Variants in CHRM3 observed in about 807,000 individuals in gnomAD.
CHRM3 encodes the protein muscarinic acetylcholine receptor M3.
CHRM3 carries 11 observed loss-of-function variants against 41.8 expected under a neutral mutation model. The observed-to-expected ratio is 0.26, with a 90% CI of 0.17 to 0.44. CHRM3 has a LOEUF of 0.44. CHRM3 is among the 20% of genes least tolerant of loss of function. The probability of loss-of-function intolerance (pLI) is 1.00; values close to 1 mark genes in which losing one functional copy is unlikely to be tolerated. For missense variants in CHRM3, 571 were observed against 745.4 expected, an observed-to-expected ratio of 0.77 and a Z score of 2.72; for synonymous variants, 297 against 301.4, an observed-to-expected ratio of 0.99 and a Z score of 0.15.
chr1:239,545,029 G>A (rs1659156426), intron 2 of CHRM3, among the ~76,000 whole-genome samples: 1 of 127,510 alleles, frequency 7.8e-6, no homozygotes, highest in Non-Finnish European at 1.8e-5. Context: ...AGACTAAATG[G>A]AAATTCATAT....
intron 5 of CHRM3, among the ~76,000 whole-genome samples, chr1:239,794,665 A>G (rs2148883424): frequency 6.6e-6 from 1 of 152,292 alleles, no homozygotes; most frequent in East Asian, 1.9e-4. Context: ...GGCTTATTTC[A>G]GATCTAACTC....
At chr1:239,624,537 C>A (rs1396290643) in intron 3 of CHRM3, among the ~76,000 whole-genome samples, 15 of 150,384 alleles carry the variant, frequency 1.0e-4, no homozygotes, top group African/African-American at 3.2e-4. Flanking sequence ...GCTTTTGTTG[C>A]CATTGCTTTT....
At chr1:239,580,685 A>T (rs1662789832) in intron 3 of CHRM3, among the ~76,000 whole-genome samples, 1 of 111,664 alleles carries the variant, frequency 9.0e-6, no homozygotes, top group Non-Finnish European at 1.8e-5. Context: ...TACTTTGCCC[A>T]ATTTTATATA....
At chr1:239,839,826 T>C (rs1231205722) in intron 6 of CHRM3, among the ~76,000 whole-genome samples, 1 of 151,192 alleles carries the variant, frequency 6.6e-6, no homozygotes, top group Non-Finnish European at 1.5e-5. Flanking sequence ...AAGGGAGAAG[T>C]ACTTTTGCAT....
chr1:239,690,347 G>A (rs1165616962), intron 5 of CHRM3, among the ~76,000 whole-genome samples: 1 of 152,024 alleles, frequency 6.6e-6, no homozygotes, highest in Non-Finnish European at 1.5e-5. Flanking sequence ...AGTATCCCGA[G>A]TAGCTGGGGC....
Position 239,915,369 on chromosome 1 carries a change from T to C in CHRM3, c.*6145T>C, listed in dbSNP as rs373241680. 6.0e-6 allele frequency: 1 copy of C among 167,074 alleles called. No individual in the cohort carries two copies. Among genetic ancestry groups the C allele is most frequent in the Non-Finnish European group, 1.5e-5 (1 of 68,092 alleles). The allele number at this position is 167,074 out of a possible 1,614,324, so 10.3% of individuals were successfully genotyped here. A position where few individuals can be genotyped will look rare whatever the true frequency, so the allele number is the denominator to read the frequency against. ...AGTCAATCGTCTGTAGTCTGTACTA[T>C]AAAATGATGCCTGCAACTTTGTGGT... is the stretch of plus-strand genomic sequence containing the variant. On this transcript the variant is annotated 3_prime_UTR_variant, in exon 7 of 7. Transcript: ENST00000676153.
At chr1:239,773,207 G>C (rs1413992461) in intron 5 of CHRM3, among the ~76,000 whole-genome samples, 1 of 152,132 alleles carries the variant, frequency 6.6e-6, no homozygotes, top group East Asian at 1.9e-4. Context: ...TGGGTCTGCT[G>C]TACCACCGAA....
intron 5 of CHRM3, among the ~76,000 whole-genome samples, chr1:239,741,070 C>G (rs1664806915): frequency 6.6e-6 from 1 of 151,858 alleles, no homozygotes; most frequent in Non-Finnish European, 1.5e-5. Context: ...CTATCTTTCC[C>G]ATTGTTAGGT....
At chr1:239,703,110 A>G (rs1485127646) in intron 5 of CHRM3, 1 of 152,130 alleles carries the variant, frequency 6.6e-6, no homozygotes, top group East Asian at 1.9e-4. Context: ...AAAAGAGAGG[A>G]ACATTGATAA....
intron 1 of CHRM3, among the ~76,000 whole-genome samples, chr1:239,388,233 C>A (rs931715185): frequency 2.0e-5 from 3 of 152,124 alleles, no homozygotes; most frequent in Admixed American, 2.0e-4. Flanking sequence ...CCCCTCGATC[C>A]CCGCCAGTGT....
chr1:239,480,262 GA>G, intron 1 of CHRM3, among the ~76,000 whole-genome samples: 1 of 151,866 alleles, frequency 6.6e-6, no homozygotes, highest in African/African-American at 2.4e-5. Context: ...CCTACATGGA[GA>G]AAAAAAATGA....
intron 1 of CHRM3, among the ~76,000 whole-genome samples, chr1:239,408,919 G>A (rs970717792): frequency 2.0e-5 from 3 of 151,966 alleles, no homozygotes; most frequent in Non-Finnish European, 4.4e-5. Flanking sequence ...ACTATGCCCG[G>A]CCTCCAGAAT....
chr1:239,691,912 T>C (rs189170649), intron 5 of CHRM3, among the ~76,000 whole-genome samples: 44 of 152,226 alleles, frequency 2.9e-4, no homozygotes, highest in Non-Finnish European at 1.0e-4. Context: ...AGTCATGAAA[T>C]CAAAGAGTAC....
At chr1:239,735,439 T>G (rs992596204) in intron 5 of CHRM3, among the ~76,000 whole-genome samples, 1 of 152,132 alleles carries the variant, frequency 6.6e-6, no homozygotes, top group African/African-American at 2.4e-5. Context: ...TTTCCTGCTT[T>G]TATTATTTAT....
intron 3 of CHRM3, among the ~76,000 whole-genome samples, chr1:239,608,583 A>C (rs190900792): frequency 1.3e-5 from 2 of 152,324 alleles, no homozygotes; most frequent in Admixed American, 1.3e-4. Context: ...CAAAACAATA[A>C]GCCTTGGTAA....
At chr1:239,552,722 C>T (rs1307861174) in intron 3 of CHRM3, among the ~76,000 whole-genome samples, 4 of 150,598 alleles carry the variant, frequency 2.7e-5, no homozygotes, top group Non-Finnish European at 5.9e-5. Flanking sequence ...ATTTCTTGGG[C>T]TCAAGAGATC....
intron 5 of CHRM3, among the ~76,000 whole-genome samples, chr1:239,684,831 G>A (rs1162666993): frequency 1.3e-5 from 2 of 150,212 alleles, no homozygotes; most frequent in African/African-American, 2.4e-5. Context: ...ATGGAGAGAG[G>A]ATGAGAATTT....
intron 1 of CHRM3, among the ~76,000 whole-genome samples, chr1:239,489,849 T>G (rs1667444570): frequency 6.6e-6 from 1 of 152,190 alleles, no homozygotes; most frequent in Admixed American, 6.5e-5. Context: ...TGTTCTGGCT[T>G]TGTTTCTGGA....
At chr1:239,827,440 A>C (rs1270796975) in intron 6 of CHRM3, 62 bp downstream of exon 6, 1 of 152,198 alleles carries the variant, frequency 6.6e-6, no homozygotes, top group Non-Finnish European at 1.5e-5. Flanking sequence ...AGAATGGACA[A>C]ATTGCCTTTT....
Sources: gnomAD v4.1 joint callset for allele counts (sites outside exome capture counted in the v4.1 genomes callset) on GRCh38, gnomAD v4.1.1 for gene constraint, MANE v1.5 for transcripts, NCBI Gene and HGNC (gene_info 2026-07-23, HGNC 2026-07-21) for gene names.